The following MAP3K19 variants were observed in gnomAD, a reference collection of about 807,000 sequenced individuals.
MAP3K19 encodes SPS1/STE20-related protein kinase YSK4.
A neutral mutation model predicts 114.4 loss-of-function variants in MAP3K19; 91 were observed. The ratio of observed to expected loss-of-function variants is 0.80; its 90% CI spans 0.67 to 0.95. MAP3K19 has a LOEUF of 0.95. MAP3K19 is among the 40% of genes least tolerant of loss of function. The probability of loss-of-function intolerance (pLI) is 0.00; values close to 1 mark genes in which losing one functional copy is unlikely to be tolerated. For missense variants in MAP3K19, 1,471 were observed against 1,573.2 expected, an observed-to-expected ratio of 0.94 and a Z score of 1.10; for synonymous variants, 518 against 530.5, an observed-to-expected ratio of 0.98 and a Z score of 0.32.
At chr2:135,018,944 G>C (rs1180026262) in intron 5 of MAP3K19, among the ~76,000 whole-genome samples, 1 of 152,084 alleles carries the variant, frequency 6.6e-6, no homozygotes, top group Non-Finnish European at 1.5e-5. Flanking sequence ...AATTAGCCAG[G>C]CGTGGTGGTG....
Position 134,986,727 on chromosome 2 carries a change from T to G in MAP3K19, c.2145A>C (p.Arg715Ser). Residue 715 changes from arginine (R) to serine (S), a missense_variant, in exon 10 of 13, where the codon AGA becomes AGC. Physicochemically the swap from Arg to Ser is moderately radical, Grantham distance 110. Coordinates refer to ENST00000392915, the MANE Select transcript of MAP3K19 (RefSeq NM_025052.5). ...HSERKSNIRT[R>S]LSQKKTHMKC... ...TCATATGTGTTTTTTTCTGAGAAAGTCTTGTTCTGATATTGCTCTTCCTCT... is the reference window on the plus strand; with the variant it reads ...TCATATGTGTTTTTTTCTGAGAAAGGCTTGTTCTGATATTGCTCTTCCTCT... 1 of 1,614,170 alleles carries G rather than the reference T, an allele frequency of 6.2e-7. No homozygotes were observed. Among genetic ancestry groups the G allele is most frequent in the Non-Finnish European group, 8.5e-7 (1 of 1,180,026 alleles).
chr2:135,007,519 T>A (rs62168908), intron 5 of MAP3K19, among the ~76,000 whole-genome samples: 6,330 of 152,282 alleles, frequency 0.042, 158 homozygotes, highest in African/African-American at 0.055. Context: ...GTTCTTACTC[T>A]TTCTTTTCCT....
At chr2:135,046,082 GCCCCGCT>G (rs1688735086) in intron 1 of MAP3K19, among the ~76,000 whole-genome samples, 1 of 152,098 alleles carries the variant, frequency 6.6e-6, no homozygotes, top group African/African-American at 2.4e-5. Flanking sequence ...ACAGCACTAT[GCCCCGCT>G]AGTTATTTTT....
At chr2:135,006,630 C>T (rs936153214) in intron 5 of MAP3K19, among the ~76,000 whole-genome samples, 2 of 150,280 alleles carry the variant, frequency 1.3e-5, no homozygotes, top group African/African-American at 2.5e-5. Context: ...GGCAACATGG[C>T]AAAACCCTGT....
intron 4 of MAP3K19, among the ~76,000 whole-genome samples, chr2:135,024,007 TC>T (rs1327724997): frequency 6.6e-6 from 1 of 152,136 alleles, no homozygotes; most frequent in Non-Finnish European, 1.5e-5. Context: ...ACATGAACTT[TC>T]AGTTCTAGTT....
Position 134,965,212 on chromosome 2 carries a change from A to T in MAP3K19, c.3921-296T>A, listed in dbSNP as rs182069992. Among the ~76,000 whole-genome samples the T allele has an allele frequency of 3.3e-5, 5 of 152,328 alleles. No homozygotes were observed. In the East Asian group the frequency reaches 5.8e-4, roughly 18 times the overall value. On this transcript the variant is annotated intron_variant, in intron 12 of 12. Transcript: ENST00000392915. ...TGTTTGAAAAGTGGTAGCTATTGTG[A>T]TTGAAAACTAGGCCCTACTTTCCCA... is the stretch of plus-strand genomic sequence containing the variant.
At chr2:135,007,623 C>T (rs1686925715) in intron 5 of MAP3K19, among the ~76,000 whole-genome samples, 4 of 151,730 alleles carry the variant, frequency 2.6e-5, no homozygotes, top group Admixed American at 1.3e-4. Flanking sequence ...CCTCCCTACT[C>T]CCCACTACCC....
rs1559154151 is a variant in MAP3K19, at chr2:134,987,805, G to GT, written c.1066dup (p.Thr356AsnfsTer5). 2 of 1,607,612 alleles carry GT rather than the reference G, an allele frequency of 1.2e-6. No individual in the cohort carries two copies. Among genetic ancestry groups the GT allele is most frequent in the African/African-American group, 1.3e-5 (1 of 74,906 alleles). ...AGAGTTCTCTTCTTCAGGTTTTCGC[G>GT]TTTTACTACCATGGCAGTCAATATC... is the stretch of plus-strand genomic sequence containing the variant. On this transcript the variant is annotated frameshift_variant, in exon 10 of 13. Coordinates refer to ENST00000392915, the MANE Select transcript of MAP3K19 (RefSeq NM_025052.5). LOFTEE classifies it high-confidence loss of function.
chr2:134,969,596 A>G (rs1295927500), intron 12 of MAP3K19, among the ~76,000 whole-genome samples: 1 of 152,166 alleles, frequency 6.6e-6, no homozygotes, highest in Non-Finnish European at 1.5e-5. Context: ...ATTTTCTCCC[A>G]TTCAACAGGT....
chr2:134,996,277 T>C (rs1051561127), intron 8 of MAP3K19, among the ~76,000 whole-genome samples: 2 of 140,732 alleles, frequency 1.4e-5, no homozygotes, highest in Admixed American at 7.0e-5. Context: ...ATTTCTTTTT[T>C]TTTTTTTTTT....
rs779760644 is a variant in MAP3K19, at chr2:134,983,744, T to C, written c.3154A>G (p.Ser1052Gly). The change falls in exon 11 of 13, where the codon AGT becomes GGT. Residue 1052 changes from serine to glycine, a missense_variant. Coordinates refer to ENST00000392915, the MANE Select transcript of MAP3K19 (RefSeq NM_025052.5). ...SNEKKIFSEN[S>G]LKSEEPILWT... The stretch of plus-strand genomic sequence containing the variant: ...AGGATAGGTTCTTCAGACTTTAAAC[T>C]ATTTTCAGAAAATATCTTCTTTTCA... The C allele has an allele frequency of 1.9e-6, 3 of 1,607,828 alleles. No individual in the cohort carries two copies. In the Admixed American group the frequency reaches 5.1e-5, roughly 28 times the overall value.
chr2:135,006,649 A>C lies in MAP3K19; in HGVS notation c.139-1118T>G, dbSNP rs146145066. ...ACATGGCAAAACCCTGTCTCTACTG[A>C]AAATACAAAAATTAGCTGGACGTGA... On this transcript the variant is annotated intron_variant, in intron 5 of 12. Transcript: ENST00000392915. Among the ~76,000 whole-genome samples the C allele has an allele frequency of 3.2e-4, 49 of 151,834 alleles. 3 individuals carry two copies. The East Asian group carries it at 9.4e-3, about 29-fold the overall frequency.
chr2:135,044,193 G>C (rs950829028), intron 1 of MAP3K19, among the ~76,000 whole-genome samples: 1 of 152,150 alleles, frequency 6.6e-6, no homozygotes. Context: ...AACACCATCA[G>C]AACAGTTGTA....
In MAP3K19 at chr2:134,999,406, A is replaced by C. The variant is rs963260470; in HGVS notation, c.315-409T>G. ...TGAACTGATACTTTTGTAAAATATA[A>C]ATGAATTGCCATAAAAATGGAAGAA... On this transcript the variant is annotated intron_variant, in intron 7 of 12. Transcript: ENST00000392915. This position sits in a 1 kb window ranked among gnomAD's most constrained non-coding sequence, Gnocchi z 4.1. Among the ~76,000 whole-genome samples, 2 of 152,228 alleles carry C rather than the reference A, an allele frequency of 1.3e-5. No homozygotes were observed. The highest frequency in any genetic ancestry group is 1.3e-4 in the Admixed American group (2 of 15,278).
chr2:135,008,918 A>G (rs1415833404), intron 5 of MAP3K19, among the ~76,000 whole-genome samples: 2 of 151,952 alleles, frequency 1.3e-5, no homozygotes, highest in Non-Finnish European at 2.9e-5. Flanking sequence ...AGCTGGAACT[A>G]TAAGTATGTA....
chr2:134,979,030 T>G (rs909924776), intron 12 of MAP3K19, among the ~76,000 whole-genome samples: 3 of 152,218 alleles, frequency 2.0e-5, no homozygotes, highest in African/African-American at 7.2e-5. Flanking sequence ...TCTGTTTTCT[T>G]TAGACTTTCC....
chr2:134,964,937 T>C, intron 12 of MAP3K19, 21 bp from the exon 13 acceptor site: 1 of 1,594,732 alleles, frequency 6.3e-7, no homozygotes, highest in Non-Finnish European at 8.6e-7. Flanking sequence ...AAAAACACAT[T>C]AGAAGCAGCA....
At chr2:135,038,688 C>G (rs1036566060) in intron 2 of MAP3K19, among the ~76,000 whole-genome samples, 3 of 151,740 alleles carry the variant, frequency 2.0e-5, no homozygotes, top group African/African-American at 7.3e-5. Context: ...GAAACCCCAT[C>G]TCTACTAAAA....
intron 4 of MAP3K19, chr2:135,023,549 T>C (rs1688123922): frequency 1.9e-6 from 1 of 532,986 alleles, no homozygotes; most frequent in African/African-American, 1.9e-5. Context: ...TGTATTTCCA[T>C]CTCCTGCACT....
Sources: allele counts gnomAD v4.1 joint callset (sites outside exome capture counted in the v4.1 genomes callset), GRCh38; gene constraint gnomAD v4.1.1; non-coding constraint Gnocchi (gnomAD v3.1); transcripts MANE v1.5; gene names NCBI Gene and HGNC (gene_info 2026-07-23, HGNC 2026-07-21).